Variants in BCLAF1 observed in about 807,000 individuals in gnomAD.
BCLAF1 encodes the protein BCL2 associated transcription factor 1.
A neutral mutation model predicts 99.5 loss-of-function variants in BCLAF1; 10 were observed. That is an observed-to-expected ratio of 0.10 (90% confidence interval 0.06 to 0.17). The LOEUF (loss-of-function observed/expected upper bound fraction) is 0.17. Ranked by LOEUF, BCLAF1 falls within the 10% of genes least tolerant of loss-of-function variation. The pLI is 1.00. For synonymous variants in BCLAF1, 255 were observed against 370.9 expected, an observed-to-expected ratio of 0.69 and a Z score of 3.59; for missense variants, 636 against 1,105.8, an observed-to-expected ratio of 0.58 and a Z score of 6.02.
In BCLAF1 at chr6:136,270,803, T is replaced by C. The variant is rs116201713; in HGVS notation, c.2044-1191A>G. 2.3e-3 allele frequency among the ~76,000 whole-genome samples: 353 copies of C among 151,960 alleles called. 1 individual carries two copies. The highest frequency in any genetic ancestry group is 8.1e-3 in the African/African-American group (335 of 41,518). ...CTCCTCTGGATCAAAATCTGGTCTA[T>C]GTAATGAGGAGAGAAGATACTCACT... On this transcript the variant is annotated intron_variant, in intron 8 of 12. Transcript: ENST00000531224.
chr6:136,275,101 A>C (rs1783080598), intron 6 of BCLAF1, among the ~76,000 whole-genome samples: 1 of 152,126 alleles, frequency 6.6e-6, no homozygotes, highest in Non-Finnish European at 1.5e-5. Context: ...TTAAAAGTTG[A>C]AAAGAAATTC....
At position 136,257,272 on chromosome 6, in the gene BCLAF1, G is replaced by A. The variant is rs771762148; in HGVS notation, c.*3838C>T. On this transcript the variant is annotated 3_prime_UTR_variant, in exon 13 of 13. Coordinates refer to ENST00000531224, the MANE Select transcript of BCLAF1 (RefSeq NM_014739.3). ...AAGACACATTATTTGAATGTTTCTA[G>A]TTGTGGTGGAATGCTATCCTAATAA... The A allele has an allele frequency of 1.3e-5, 2 of 152,170 alleles. No individual in the cohort carries two copies. The highest frequency in any genetic ancestry group is 2.4e-5 in the African/African-American group (1 of 41,434). 9.4% of individuals were successfully genotyped at this position (152,170 alleles called of 1,614,324 possible).
intron 11 of BCLAF1, among the ~76,000 whole-genome samples, chr6:136,265,986 A>G (rs1035767061): frequency 6.6e-6 from 1 of 152,126 alleles, no homozygotes; most frequent in African/African-American, 2.4e-5. Flanking sequence ...CAGAATGTCA[A>G]TTCAAGACAC....
chr6:136,287,217 C>G (rs1199658454), intron 1 of BCLAF1, among the ~76,000 whole-genome samples: 3 of 149,128 alleles, frequency 2.0e-5, no homozygotes, highest in Non-Finnish European at 3.0e-5. Flanking sequence ...GGCTGAGATA[C>G]GAGAATCGCT....
Position 136,275,659 on chromosome 6 carries a change from A to T in BCLAF1, c.1725T>A (p.Leu575=), listed in dbSNP as rs778550374. The T allele has an allele frequency of 5.6e-6, 9 of 1,593,474 alleles. No individual in the cohort carries two copies. Among genetic ancestry groups the T allele is most frequent in the Non-Finnish European group, 7.7e-6 (9 of 1,171,464 alleles). The part of the protein sequence containing the change: ...LTKDRLLAST[L]VHSVKKEQEF... ...CTTGCTCCTTCTTGACAGAATGGAC[A>T]AGTGTACTAGCAAGCAGCCTGTCTT... Residue 575 remains leucine (L), a synonymous_variant, in exon 6 of 13, where the codon CTT becomes CTA. Transcript: ENST00000531224.
chr6:136,264,378 C>T (rs771607907), intron 11 of BCLAF1, among the ~76,000 whole-genome samples: 2 of 151,876 alleles, frequency 1.3e-5, no homozygotes, highest in African/African-American at 2.4e-5. Flanking sequence ...AGCTAATTTT[C>T]GTTTTTTTTG....
chr6:136,281,693 C>T (rs1024637950), intron 2 of BCLAF1, among the ~76,000 whole-genome samples: 3 of 152,150 alleles, frequency 2.0e-5, no homozygotes, highest in African/African-American at 7.2e-5. Flanking sequence ...TTACTAAGAG[C>T]TACAGATGCT....
At chr6:136,263,983 C>T (rs1781378231) in intron 11 of BCLAF1, among the ~76,000 whole-genome samples, 1 of 152,150 alleles carries the variant, frequency 6.6e-6, no homozygotes, top group Admixed American at 6.6e-5. Flanking sequence ...ACAAGACTTT[C>T]AGAACCCTGA....
intron 3 of BCLAF1, chr6:136,279,406 C>T (rs1015750338): frequency 6.4e-6 from 1 of 156,540 alleles, no homozygotes; most frequent in East Asian, 1.9e-4. Context: ...GATTCACAGT[C>T]AGAAATGAGA....
intron 6 of BCLAF1, chr6:136,274,302 A>T (rs1219904329): frequency 3.0e-5 from 3 of 99,672 alleles, no homozygotes; most frequent in Non-Finnish European, 3.6e-5. Context: ...CAGTTCTTTT[A>T]AAAAAAAAAA....
At position 136,269,520 on chromosome 6, in the gene BCLAF1, C is replaced by T. The variant is rs758548404; in HGVS notation, c.2136G>A (p.Lys712=). The T allele has an allele frequency of 6.2e-7, 1 of 1,612,490 alleles. No individual in the cohort carries two copies. The highest frequency in any genetic ancestry group is 1.1e-5 in the South Asian group (1 of 90,998). Residue 712 remains lysine, a synonymous_variant, in exon 9 of 13, where the codon AAG becomes AAA. Coordinates refer to ENST00000531224, the MANE Select transcript of BCLAF1 (RefSeq NM_014739.3). ...TTGATCCACTGGATTCCCTGGAGCC[C>T]TTGGAATCTCCCCGTTCTTTACTTC... ...KERSKERGDS[K]GSRESSGSRK...
chr6:136,283,085 C>T (rs1784592198), intron 1 of BCLAF1, among the ~76,000 whole-genome samples: 1 of 150,066 alleles, frequency 6.7e-6, no homozygotes, highest in South Asian at 2.1e-4. Context: ...ATCACTTGAG[C>T]CCAGGAGTTT....
Position 136,260,576 on chromosome 6 carries a change from TTAAAC to T in BCLAF1, c.*529_*533del, listed in dbSNP as rs1388888335. 1.3e-5 allele frequency: 2 copies of T among 153,940 alleles called. No individual in the cohort carries two copies. The highest frequency in any genetic ancestry group is 3.8e-4 in the East Asian group (2 of 5,238). The allele number at this position is 153,940 out of a possible 1,614,324, so 9.5% of individuals were successfully genotyped here. ...TCCTTCTTAAGCATTTGCTCAAGTGTTAAACTAGCTTAGTTTACCATAGTAACAAC... is the reference window on the plus strand; with the variant it reads ...TCCTTCTTAAGCATTTGCTCAAGTGTTAGCTTAGTTTACCATAGTAACAAC... On this transcript the variant is annotated 3_prime_UTR_variant, in exon 13 of 13. Coordinates refer to ENST00000531224, the MANE Select transcript of BCLAF1 (RefSeq NM_014739.3).
rs1026030273 is a variant in BCLAF1, at chr6:136,260,996, C to T, written c.*114G>A. The T allele has an allele frequency of 4.1e-6, 5 of 1,209,376 alleles. No individual in the cohort carries two copies. The highest frequency in any genetic ancestry group is 5.7e-6 in the Non-Finnish European group (5 of 877,850). 74.9% of individuals were successfully genotyped at this position (1,209,376 alleles called of 1,614,324 possible). On this transcript the variant is annotated 3_prime_UTR_variant, in exon 13 of 13. Coordinates refer to ENST00000531224, the MANE Select transcript of BCLAF1 (RefSeq NM_014739.3). The stretch of plus-strand genomic sequence containing the variant: ...CTTAAAACAAAATTTCTATAGACTA[C>T]TTGCAAACAGTAAAATTTAAGTAAA...
Position 136,274,091 on chromosome 6 carries a change from T to C in BCLAF1, c.1853-904A>G, listed in dbSNP as rs893273081. The C allele has an allele frequency of 1.8e-5, 23 of 1,288,162 alleles. 1 individual carries two copies. The Admixed American group carries it at 5.1e-4, about 28-fold the overall frequency. The allele number at this position is 1,288,162 out of a possible 1,614,324, so 79.8% of individuals were successfully genotyped here. ...GCTAGCAACTCAGTTTTTATGCCATTTTTGCCAGGAAGACAGAAGATTCAA... is the reference window on the plus strand; with the variant it reads ...GCTAGCAACTCAGTTTTTATGCCATCTTTGCCAGGAAGACAGAAGATTCAA... On this transcript the variant is annotated intron_variant, in intron 6 of 12. Coordinates refer to ENST00000531224, the MANE Select transcript of BCLAF1 (RefSeq NM_014739.3).
At chr6:136,273,267 CAGG>C in intron 6 of BCLAF1, 80 bp from the exon 7 acceptor site, 1 of 1,198,172 alleles carries the variant, frequency 8.3e-7, no homozygotes, top group Non-Finnish European at 1.2e-6. Context: ...GGGCATGTAG[CAGG>C]TGAAAAGAAA....
chr6:136,281,212 A>G (rs1406055647), intron 2 of BCLAF1, among the ~76,000 whole-genome samples: 2 of 152,222 alleles, frequency 1.3e-5, no homozygotes, highest in Non-Finnish European at 2.9e-5. Context: ...TCTCAATCCC[A>G]AGTAAGCAAG....
In BCLAF1 at chr6:136,278,255, G is replaced by T; in HGVS notation, c.626C>A (p.Ser209Tyr). Reference protein sequence around the residue: ...IDEFNKSSATSGDIWPGLSAY... With the variant: ...IDEFNKSSATYGDIWPGLSAY... ...TGAAAGGCCAGGCCAAATATCACCG[G>T]ATGTGGCTGATGACTTATTAAATTC... The change falls in exon 4 of 13, where the codon TCC (serine) becomes TAC (tyrosine). Residue 209 changes from serine to tyrosine, a missense_variant. Ser to Tyr is a moderately radical substitution (Grantham distance 144). Around this residue, in one of 9 missense-constraint regions of BCLAF1, gnomAD observed 65 missense variants for 90.9 expected, o/e 0.71. Transcript: ENST00000531224. 2 of 1,316,044 alleles carry T rather than the reference G, an allele frequency of 1.5e-6. No individual in the cohort carries two copies. Among genetic ancestry groups the T allele is most frequent in the East Asian group, 5.3e-5 (2 of 37,946 alleles). 81.5% of individuals were successfully genotyped at this position (1,316,044 alleles called of 1,614,324 possible).
At chr6:136,263,832 T>G (rs907023558) in intron 11 of BCLAF1, among the ~76,000 whole-genome samples, 2 of 152,176 alleles carry the variant, frequency 1.3e-5, no homozygotes, top group Non-Finnish European at 2.9e-5. Flanking sequence ...AGGTTCTAAC[T>G]AAAACTAGTA....
Sources: allele counts gnomAD v4.1 joint callset (sites outside exome capture counted in the v4.1 genomes callset), GRCh38; gene constraint gnomAD v4.1.1; regional missense constraint gnomAD v4.1.1; transcripts MANE v1.5; gene names NCBI Gene and HGNC (gene_info 2026-07-23, HGNC 2026-07-21).